Variants in AGBL1 observed in about 807,000 individuals in gnomAD.
The protein encoded by AGBL1 is cytosolic carboxypeptidase 4.
AGBL1 carries 130 observed loss-of-function variants against 118.9 expected under a neutral mutation model. That is an observed-to-expected ratio of 1.09 (90% CI 0.95 to 1.26). The LOEUF is 1.26. Ranked by LOEUF, AGBL1 falls within the 50% of genes most tolerant of loss-of-function variation. The probability of loss-of-function intolerance (pLI) is 0.00; values close to 1 mark genes in which losing one functional copy is unlikely to be tolerated. For missense variants in AGBL1, 1,584 were observed against 1,298.1 expected (o/e 1.22, Z -3.38); for synonymous variants, 555 against 478.9 (o/e 1.16, Z -2.08).
At chr15:86,227,292 A>G (rs1345041075) in intron 6 of AGBL1, among the ~76,000 whole-genome samples, 1 of 152,258 alleles carries the variant, frequency 6.6e-6, no homozygotes, top group Non-Finnish European at 1.5e-5. Context: ...CCTATTTGCT[A>G]ATTCTGCTGA....
chr15:86,205,352 C>T (rs886217488), intron 5 of AGBL1, among the ~76,000 whole-genome samples: 1 of 152,118 alleles, frequency 6.6e-6, no homozygotes, highest in African/African-American at 2.4e-5. Context: ...ATTCATTTAC[C>T]TACTGAAGGA....
intron 18 of AGBL1, among the ~76,000 whole-genome samples, chr15:86,419,374 G>T (rs545780951): frequency 6.6e-6 from 1 of 152,120 alleles, no homozygotes; most frequent in African/African-American, 2.4e-5. Context: ...AAACTCCCTC[G>T]TAGCCAAGGG....
chr15:86,414,082 C>A (rs1239064194), intron 18 of AGBL1, among the ~76,000 whole-genome samples: 1 of 152,046 alleles, frequency 6.6e-6, no homozygotes, highest in Non-Finnish European at 1.5e-5. Flanking sequence ...AATGGAAAGA[C>A]AAATACTGTA....
chr15:86,332,645 C>CAAAA (rs60036454), intron 17 of AGBL1, among the ~76,000 whole-genome samples: 5 of 89,034 alleles, frequency 5.6e-5, no homozygotes, highest in East Asian at 3.4e-4. Context: ...GACTCCATCT[C>CAAAA]AAAAAAAAAA....
intron 22 of AGBL1, among the ~76,000 whole-genome samples, chr15:86,827,337 ATGTGT>A (rs2079028662): frequency 1.1e-4 from 1 of 9,456 alleles, no homozygotes; most frequent in African/African-American, 8.3e-4. Context: ...ATATATATAT[ATGTGT>A]ATATATATAT....
At chr15:86,247,579 T>C (rs538933292) in intron 6 of AGBL1, 92 bp from the exon 7 acceptor site, 1 of 1,267,870 alleles carries the variant, frequency 7.9e-7, no homozygotes, top group African/African-American at 1.5e-5. Context: ...TGATGATTAA[T>C]AAGTATCTTG....
At chr15:86,587,222 A>G (rs553697498) in intron 21 of AGBL1, among the ~76,000 whole-genome samples, 25 of 152,134 alleles carry the variant, frequency 1.6e-4, no homozygotes, top group Non-Finnish European at 3.1e-4. Context: ...CACGGACAGG[A>G]TGAATACTTT....
intron 22 of AGBL1, among the ~76,000 whole-genome samples, chr15:86,772,515 T>C (rs191551980): frequency 5.5e-4 from 84 of 152,068 alleles, no homozygotes; most frequent in African/African-American, 2.0e-3. Context: ...GAGAGAAACA[T>C]TGGTAAATCA....
chr15:86,247,973 C>A (rs556117790), intron 7 of AGBL1, 94 bp downstream of exon 7: 35 of 1,442,286 alleles, frequency 2.4e-5, no homozygotes, highest in Non-Finnish European at 3.1e-5. Flanking sequence ...GAGCTGGGAA[C>A]GCCTCAGTCT....
At chr15:86,649,334 G>C (rs755895352) in intron 21 of AGBL1, among the ~76,000 whole-genome samples, 1 of 152,144 alleles carries the variant, frequency 6.6e-6, no homozygotes, top group Non-Finnish European at 1.5e-5. Flanking sequence ...TGAGAATGAA[G>C]ATGGGGAAGA....
At chr15:86,687,862 C>T (rs2086088618) in intron 22 of AGBL1, among the ~76,000 whole-genome samples, 1 of 151,910 alleles carries the variant, frequency 6.6e-6, no homozygotes, top group East Asian at 1.9e-4. Context: ...TGTGAGAGAC[C>T]CATACACACT....
intron 1 of AGBL1, among the ~76,000 whole-genome samples, chr15:86,111,792 T>G (rs1434168996): frequency 6.6e-6 from 1 of 152,176 alleles, no homozygotes; most frequent in East Asian, 1.9e-4. Flanking sequence ...AAGACCATGT[T>G]AGGAACCAGG....
intron 1 of AGBL1, among the ~76,000 whole-genome samples, chr15:86,130,041 T>C (rs1168316449): frequency 6.6e-6 from 1 of 152,166 alleles, no homozygotes; most frequent in African/African-American, 2.4e-5. Context: ...GGTGCCGTCT[T>C]AAGTTAACAA....
intron 23 of AGBL1, among the ~76,000 whole-genome samples, chr15:86,930,222 A>G (rs1260676704): frequency 6.6e-6 from 1 of 152,216 alleles, no homozygotes; most frequent in African/African-American, 2.4e-5. Flanking sequence ...AACTGCTGAT[A>G]GGGTGACTTC....
At chr15:86,906,114 G>T (rs2080277178) in intron 22 of AGBL1, among the ~76,000 whole-genome samples, 2 of 152,296 alleles carry the variant, frequency 1.3e-5, no homozygotes, top group Admixed American at 6.5e-5. Flanking sequence ...CAAGGCAGGT[G>T]GATGAACAGC....
chr15:86,766,858 C>T (rs1245970756), intron 22 of AGBL1, among the ~76,000 whole-genome samples: 1 of 151,842 alleles, frequency 6.6e-6, no homozygotes, highest in Non-Finnish European at 1.5e-5. Context: ...AATCTACACA[C>T]ACACACACAC....
chr15:86,551,280 A>G (rs1264389437), intron 20 of AGBL1, among the ~76,000 whole-genome samples: 3 of 152,146 alleles, frequency 2.0e-5, no homozygotes, highest in Admixed American at 6.5e-5. Context: ...CATAAAGAAC[A>G]TGCTTTTCAT....
chr15:86,211,832 C>T (rs1012303121), intron 5 of AGBL1, among the ~76,000 whole-genome samples: 1 of 152,164 alleles, frequency 6.6e-6, no homozygotes, highest in African/African-American at 2.4e-5. Context: ...TCAGTTCACC[C>T]TCCATGGGCT....
intron 22 of AGBL1, among the ~76,000 whole-genome samples, chr15:86,684,843 G>A (rs1340496473): frequency 6.6e-6 from 1 of 152,110 alleles, no homozygotes; most frequent in Non-Finnish European, 1.5e-5. Flanking sequence ...TCTAACATCA[G>A]TAGTAGAGTT....
Sources: allele counts gnomAD v4.1 joint callset (sites outside exome capture counted in the v4.1 genomes callset), GRCh38; gene constraint gnomAD v4.1.1; transcripts MANE v1.5; gene names NCBI Gene and HGNC (gene_info 2026-07-23, HGNC 2026-07-21).